Variants in SUGCT observed in about 807,000 individuals in gnomAD.
SUGCT encodes the protein succinyl-CoA:glutarate-CoA transferase.
SUGCT carries 41 observed loss-of-function variants against 55.0 expected under a neutral mutation model. That is an observed-to-expected ratio of 0.74 (90% confidence interval 0.58 to 0.97). SUGCT has a LOEUF of 0.97. Among genes scored for constraint, SUGCT ranks in the 50% least tolerant of loss-of-function variants. The pLI, the probability that SUGCT is intolerant of heterozygous loss-of-function variation, is 0.00. For missense variants in SUGCT, 568 were observed against 547.8 expected, an observed-to-expected ratio of 1.04 and a Z score of -0.37; for synonymous variants, 187 against 200.4, an observed-to-expected ratio of 0.93 and a Z score of 0.56.
intron 7 of SUGCT, among the ~76,000 whole-genome samples, chr7:40,273,579 T>G (rs1203266628): frequency 1.3e-5 from 2 of 152,190 alleles, no homozygotes; most frequent in Admixed American, 1.3e-4. Flanking sequence ...TCTAACATCT[T>G]TACATATGGG....
At chr7:40,738,459 A>C (rs1787294507) in intron 12 of SUGCT, among the ~76,000 whole-genome samples, 1 of 152,180 alleles carries the variant, frequency 6.6e-6, no homozygotes, top group African/African-American at 2.4e-5. Flanking sequence ...CAAGAGATAC[A>C]CATAAAACTA....
intron 9 of SUGCT, among the ~76,000 whole-genome samples, chr7:40,416,485 C>A (rs533133006): frequency 1.3e-5 from 2 of 151,446 alleles, no homozygotes; most frequent in Admixed American, 1.3e-4. Context: ...AGAAAATATG[C>A]CTGCATTTTA....
At chr7:40,791,848 T>C (rs1790327149) in intron 13 of SUGCT, among the ~76,000 whole-genome samples, 1 of 152,188 alleles carries the variant, frequency 6.6e-6, no homozygotes, top group Non-Finnish European at 1.5e-5. Context: ...TTGGTTTGTT[T>C]GTGACACAAG....
At chr7:40,797,302 G>C (rs1790595384) in intron 13 of SUGCT, among the ~76,000 whole-genome samples, 1 of 151,982 alleles carries the variant, frequency 6.6e-6, no homozygotes, top group Non-Finnish European at 1.5e-5. Context: ...CTGCATATTG[G>C]GATGTCCTTA....
At chr7:40,504,749 C>T (rs377114845) in intron 12 of SUGCT, among the ~76,000 whole-genome samples, 41 of 152,198 alleles carry the variant, frequency 2.7e-4, no homozygotes, top group East Asian at 7.7e-4. Context: ...CCAGTTGTCT[C>T]GGTACCATTG....
chr7:40,808,724 C>T lies in SUGCT; in HGVS notation c.1154-51592C>T, dbSNP rs993740571. Among the ~76,000 whole-genome samples, 9 of 152,312 alleles carry T rather than the reference C, an allele frequency of 5.9e-5. No individual in the cohort carries two copies. In the East Asian group the frequency reaches 1.7e-3, roughly 29 times the overall value. ...AAAAATATCTCTTGTGTGTGTCATT[C>T]AGACAGATTGTTTTCCTTCCCATGA... On this transcript the variant is annotated intron_variant, in intron 13 of 13. Transcript: ENST00000335693.
At chr7:40,424,021 A>G (rs1787452659) in intron 9 of SUGCT, among the ~76,000 whole-genome samples, 1 of 152,064 alleles carries the variant, frequency 6.6e-6, no homozygotes, top group Non-Finnish European at 1.5e-5. Flanking sequence ...AGAAAAAAAA[A>G]GTTTTAGGAT....
intron 8 of SUGCT, among the ~76,000 whole-genome samples, chr7:40,301,001 C>G (rs1165898265): frequency 2.6e-5 from 4 of 152,144 alleles, no homozygotes; most frequent in African/African-American, 9.7e-5. Context: ...GAAAATAACA[C>G]AGTTGTCATG....
intron 8 of SUGCT, among the ~76,000 whole-genome samples, chr7:40,315,433 C>G (rs10270125): frequency 0.56 from 85,525 of 152,184 alleles, 25,396 homozygotes; most frequent in Non-Finnish European, 0.67. Context: ...AAGTCTAGAA[C>G]TGGATGACTC....
intron 10 of SUGCT, among the ~76,000 whole-genome samples, chr7:40,455,812 CTGAGT>C (rs1427594760): frequency 6.6e-6 from 1 of 152,136 alleles, no homozygotes; most frequent in Non-Finnish European, 1.5e-5. Context: ...TATTTCAGTA[CTGAGT>C]TATCATATTT....
intron 1 of SUGCT, among the ~76,000 whole-genome samples, chr7:40,152,863 G>C (rs1426776009): frequency 6.6e-6 from 1 of 151,922 alleles, no homozygotes; most frequent in African/African-American, 2.4e-5. Context: ...ACCGTGCCCG[G>C]CTAATTTTTG....
At chr7:40,967,417 T>C in the SUGCT span, 1 of 152,132 alleles carries the variant, frequency 6.6e-6, no homozygotes, top group African/African-American at 2.4e-5. Flanking sequence ...TCCCTCAGAA[T>C]AGAGTGCGTT....
At chr7:40,273,937 A>C (rs1393213360) in intron 7 of SUGCT, among the ~76,000 whole-genome samples, 1 of 152,154 alleles carries the variant, frequency 6.6e-6, no homozygotes. Context: ...TATCATAGTA[A>C]TCCTAATTCA....
At chr7:40,482,820 C>A (rs975151164) in intron 11 of SUGCT, among the ~76,000 whole-genome samples, 31 of 152,164 alleles carry the variant, frequency 2.0e-4, no homozygotes, top group African/African-American at 6.5e-4. Context: ...AACTGTGAAT[C>A]TTAATACATT....
the SUGCT span, among the ~76,000 whole-genome samples, chr7:40,898,481 G>GC: frequency 1.0e-5 from 1 of 100,166 alleles, no homozygotes; most frequent in African/African-American, 3.3e-5. Context: ...CCGGGAGGTC[G>GC]GGGGGGGGGG....
chr7:40,191,481 C>T (rs548190850), intron 5 of SUGCT, among the ~76,000 whole-genome samples: 10 of 152,270 alleles, frequency 6.6e-5, no homozygotes, highest in African/African-American at 2.2e-4. Context: ...TTAGAATTTT[C>T]GTTAACTAGA....
chr7:40,835,746 T>C (rs543717896), intron 13 of SUGCT, among the ~76,000 whole-genome samples: 409 of 152,354 alleles, frequency 2.7e-3, no homozygotes, highest in Non-Finnish European at 4.9e-3. Flanking sequence ...TTAAGCTTCA[T>C]GAACCCATTA....
chr7:40,827,207 C>T (rs936500518), intron 13 of SUGCT, among the ~76,000 whole-genome samples: 1 of 152,132 alleles, frequency 6.6e-6, no homozygotes, highest in Non-Finnish European at 1.5e-5. Flanking sequence ...CTGGAGCAAA[C>T]TCAGACCGCT....
the SUGCT span, among the ~76,000 whole-genome samples, chr7:40,975,513 G>A: frequency 6.6e-5 from 10 of 152,170 alleles, no homozygotes; most frequent in African/African-American, 2.4e-4. Context: ...TTCTGTATAT[G>A]ATACAAATAC....
Sources: allele counts gnomAD v4.1 joint callset (sites outside exome capture counted in the v4.1 genomes callset), GRCh38; gene constraint gnomAD v4.1.1; transcripts MANE v1.5; gene names NCBI Gene and HGNC (gene_info 2026-07-23, HGNC 2026-07-21).